Variants in KIF13B observed in about 807,000 individuals in gnomAD.
The protein encoded by KIF13B is kinesin-like protein KIF13B.
A neutral mutation model predicts 222.0 loss-of-function variants in KIF13B; 127 were observed. That is an observed-to-expected ratio of 0.57 (90% CI 0.50 to 0.66). The LOEUF (loss-of-function observed/expected upper bound fraction) is 0.66. Among genes scored for constraint, KIF13B ranks in the 30% least tolerant of loss-of-function variants. KIF13B has a pLI of 0.00. For synonymous variants in KIF13B, 976 were observed against 919.0 expected, an observed-to-expected ratio of 1.06 and a Z score of -1.12; for missense variants, 2,173 against 2,379.0, an observed-to-expected ratio of 0.91 and a Z score of 1.80.
At chr8:29,124,303 A>T (rs1427511454) in intron 26 of KIF13B, among the ~76,000 whole-genome samples, 180 bp from the exon 27 acceptor site, 1 of 152,200 alleles carries the variant, frequency 6.6e-6, no homozygotes, top group Non-Finnish European at 1.5e-5. Context: ...TTCAGAATTT[A>T]AAGCATTATT....
chr8:29,166,009 G>T (rs1336839405), intron 11 of KIF13B, among the ~76,000 whole-genome samples: 1 of 148,646 alleles, frequency 6.7e-6, no homozygotes, highest in Non-Finnish European at 1.5e-5. Context: ...ACACTCTATT[G>T]TGAAGATATA....
At chr8:29,079,865 T>C (rs1482963402) in intron 37 of KIF13B, among the ~76,000 whole-genome samples, 1 of 152,170 alleles carries the variant, frequency 6.6e-6, no homozygotes, top group East Asian at 1.9e-4. Flanking sequence ...AAAATTACTT[T>C]TTAGTGGAAT....
chr8:29,224,839 CT>C (rs1463318708), intron 2 of KIF13B, among the ~76,000 whole-genome samples: 2 of 152,154 alleles, frequency 1.3e-5, no homozygotes, highest in African/African-American at 4.8e-5. Flanking sequence ...ATCTATATCA[CT>C]TTTTTGGGTA....
intron 6 of KIF13B, among the ~76,000 whole-genome samples, chr8:29,184,669 T>C (rs746315958): frequency 2.6e-5 from 4 of 152,132 alleles, no homozygotes; most frequent in Admixed American, 6.5e-5. Context: ...AAGACAAACA[T>C]AGGAGAAATT....
intron 37 of KIF13B, among the ~76,000 whole-genome samples, chr8:29,083,983 C>T (rs1056830549): frequency 2.6e-5 from 4 of 152,132 alleles, no homozygotes; most frequent in African/African-American, 7.2e-5. Flanking sequence ...GGTTCAATCT[C>T]GGCTCACTGC....
At position 29,146,384 on chromosome 8, in the gene KIF13B, G is replaced by A. The variant is rs1348465206; in HGVS notation, c.2181C>T (p.Asn727=). 1 of 1,613,906 alleles carries A rather than the reference G, an allele frequency of 6.2e-7. No homozygotes were observed. Among genetic ancestry groups the A allele is most frequent in the Admixed American group, 1.7e-5 (1 of 60,014 alleles). The change falls in exon 18 of 40, where the codon AAC becomes AAT. Residue 727 remains asparagine (N), a synonymous_variant. Transcript: ENST00000524189. ...CAAGGAACGGCAACCTCACCTTCCT[G>A]TTGGCATCCAGGCTGGAGGCTGGAA... ...LQIPASSLDA[N]RKRGSLLSEP...
intron 37 of KIF13B, among the ~76,000 whole-genome samples, chr8:29,077,766 C>T (rs184124879): frequency 2.6e-5 from 4 of 152,258 alleles, no homozygotes; most frequent in Admixed American, 6.5e-5. Flanking sequence ...TTCAGGGACT[C>T]GACTGACTGC....
intron 34 of KIF13B, among the ~76,000 whole-genome samples, chr8:29,108,986 A>G (rs1396482829): frequency 6.6e-6 from 1 of 152,214 alleles, no homozygotes; most frequent in African/African-American, 2.4e-5. Context: ...AACTGAAGCC[A>G]CTGTTATGAA....
intron 2 of KIF13B, among the ~76,000 whole-genome samples, chr8:29,201,678 T>C (rs1586918916): frequency 6.6e-6 from 1 of 152,212 alleles, no homozygotes; most frequent in South Asian, 2.1e-4. Context: ...ACTGAAATAT[T>C]TGGAATCTCT....
In KIF13B at chr8:29,132,291, G is replaced by A; in HGVS notation, c.2942+17C>T. ...TACATATATATAAATGGAATCAGATGAACATCTAATATTCACCTGTCCCGA... is the reference window on the plus strand; with the variant it reads ...TACATATATATAAATGGAATCAGATAAACATCTAATATTCACCTGTCCCGA... On this transcript the variant is annotated intron_variant, in intron 23 of 39. Coordinates refer to ENST00000524189, the MANE Select transcript of KIF13B (RefSeq NM_015254.4). 1 of 1,425,138 alleles carries A rather than the reference G, an allele frequency of 7.0e-7. No individual in the cohort carries two copies. 88.3% of individuals were successfully genotyped at this position (1,425,138 alleles called of 1,614,324 possible).
intron 2 of KIF13B, among the ~76,000 whole-genome samples, chr8:29,245,042 C>A (rs529836200): frequency 6.6e-6 from 1 of 152,328 alleles, no homozygotes; most frequent in Non-Finnish European, 1.5e-5. Context: ...CGACTTACAT[C>A]CTAGCTAATC....
intron 19 of KIF13B, among the ~76,000 whole-genome samples, chr8:29,141,437 A>G (rs777447681): frequency 3.6e-4 from 55 of 152,208 alleles, no homozygotes; most frequent in Non-Finnish European, 3.8e-4. Flanking sequence ...AGAGACAAAC[A>G]TGTTTTAAGC....
chr8:29,144,445 A>T (rs948662927), intron 18 of KIF13B, among the ~76,000 whole-genome samples: 4 of 151,914 alleles, frequency 2.6e-5, no homozygotes, highest in Admixed American at 6.6e-5. Flanking sequence ...TTTAATAGAG[A>T]TGGGGTTTCA....
chr8:29,257,686 G>A (rs1339232681), intron 1 of KIF13B, among the ~76,000 whole-genome samples: 1 of 152,090 alleles, frequency 6.6e-6, no homozygotes, highest in South Asian at 2.1e-4. Flanking sequence ...GCACACCTAT[G>A]TACCAACTCC....
At chr8:29,195,121 G>A (rs1813359570) in intron 3 of KIF13B, among the ~76,000 whole-genome samples, 1 of 152,012 alleles carries the variant, frequency 6.6e-6, no homozygotes, top group African/African-American at 2.4e-5. Context: ...GGTGGTGGGT[G>A]CCTGTAATCC....
At chr8:29,211,479 C>G (rs1048794142) in intron 2 of KIF13B, among the ~76,000 whole-genome samples, 1 of 152,196 alleles carries the variant, frequency 6.6e-6, no homozygotes, top group African/African-American at 2.4e-5. Context: ...AACTGAGTTG[C>G]CAGGGATGAG....
chr8:29,127,248 T>A lies in KIF13B; in HGVS notation c.3096A>T (p.Gln1032His). Residue 1032 changes from glutamine (Q) to histidine (H), a missense_variant, in exon 25 of 40, where the codon CAA (glutamine) becomes CAT (histidine). Gln to His is a conservative substitution (Grantham distance 24). This residue lies in a region of KIF13B where 1,480 missense variants were observed against 1,722.8 expected (regional missense o/e 0.86). Transcript: ENST00000524189. ...QLRQGQSRRV[Q>H]VEVKSVQESG... ...ATTCCTGCACTGACTTCACTTCGAC[T>A]TGAACTCTCCGGGACTGCCCCTGGG... The A allele has an allele frequency of 6.2e-7, 1 of 1,613,944 alleles. No individual in the cohort carries two copies. The highest frequency in any genetic ancestry group is 8.5e-7 in the Non-Finnish European group (1 of 1,179,854).
chr8:29,085,705 CTTTTTTTTTT>C lies in KIF13B; in HGVS notation c.4458+7030_4458+7039del, dbSNP rs71222589. ...GTTTTTAAGTAACAGAAATACTCTT[CTTTTTTTTTT>C]TTTTTTTTTTTTTTTTTTTTAAAGG... On this transcript the variant is annotated intron_variant, in intron 37 of 39. Coordinates refer to ENST00000524189, the MANE Select transcript of KIF13B (RefSeq NM_015254.4). 2.7e-4 allele frequency among the ~76,000 whole-genome samples: 13 copies of C among 48,768 alleles called. 1 individual carries two copies. The highest frequency in any genetic ancestry group is 6.2e-4 in the Admixed American group (2 of 3,214). The allele number at this position is 48,768 out of a possible 152,430, so 32.0% of individuals were successfully genotyped here.
chr8:29,107,653 G>C (rs952109474), intron 35 of KIF13B, among the ~76,000 whole-genome samples: 1 of 149,648 alleles, frequency 6.7e-6, no homozygotes, highest in African/African-American at 2.5e-5. Context: ...TCCGCCCCCC[G>C]GGGTTCACAC....
Sources: gnomAD v4.1 joint callset for allele counts (sites outside exome capture counted in the v4.1 genomes callset) on GRCh38, gnomAD v4.1.1 for gene constraint, gnomAD v4.1.1 regional missense constraint, MANE v1.5 for transcripts, NCBI Gene and HGNC (gene_info 2026-07-23, HGNC 2026-07-21) for gene names.